CTNNA3: variants seen among roughly 807,000 people sequenced by gnomAD.
CTNNA3 encodes the protein catenin alpha-3.
CTNNA3 carries 76 observed loss-of-function variants against 95.7 expected under a neutral mutation model. The observed-to-expected ratio is 0.79, with a 90% CI of 0.66 to 0.96. CTNNA3 has a LOEUF of 0.96. Ranked by LOEUF, CTNNA3 falls within the 40% of genes least tolerant of loss-of-function variation. CTNNA3 has a pLI of 0.00. For synonymous variants in CTNNA3, 431 were observed against 374.4 expected (o/e 1.15, Z -1.74); for missense variants, 1,191 against 1,089.8 (o/e 1.09, Z -1.31).
In CTNNA3 at chr10:65,920,408, AG is replaced by A; in HGVS notation, c.2609del (p.Ala870ValfsTer17). The A allele has an allele frequency of 6.2e-7, 1 of 1,614,140 alleles. No homozygotes were observed. Among genetic ancestry groups the A allele is most frequent in the Non-Finnish European group, 8.5e-7 (1 of 1,180,008 alleles). ...TTTTCTTTGCTGAGCCTCGTCTGAC[AG>A]CTGCACACGTTTCCTCTGGCTTCTC... The part of the protein sequence containing the change: ...KREKPEETCA[A>X]VRRGSAKKKI... On this transcript the variant is annotated frameshift_variant, in exon 18 of 18. Transcript: ENST00000433211. LOFTEE classifies it high-confidence loss of function.
intron 13 of CTNNA3, among the ~76,000 whole-genome samples, chr10:66,240,497 C>T (rs1440421599): frequency 1.3e-5 from 2 of 152,066 alleles, no homozygotes; most frequent in Admixed American, 1.3e-4. Flanking sequence ...AAATAGCCTA[C>T]TGGGTTACCA....
At chr10:66,852,142 G>T (rs1843521221) in intron 7 of CTNNA3, among the ~76,000 whole-genome samples, 1 of 152,172 alleles carries the variant, frequency 6.6e-6, no homozygotes, top group South Asian at 2.1e-4. Flanking sequence ...TGATAAAAAA[G>T]CTCAATTCAA....
intron 12 of CTNNA3, among the ~76,000 whole-genome samples, chr10:66,311,677 C>T (rs926833164): frequency 6.6e-6 from 1 of 152,126 alleles, no homozygotes; most frequent in Admixed American, 6.5e-5. Flanking sequence ...CACAGTAATG[C>T]CAGAAGTTTT....
chr10:67,577,420 A>ATTT (rs1842200613), intron 3 of CTNNA3, among the ~76,000 whole-genome samples: 1 of 151,690 alleles, frequency 6.6e-6, no homozygotes. Context: ...TAGATTCTGG[A>ATTT]TATTAGCCTT....
At chr10:67,564,948 AC>A (rs1405170167) in intron 3 of CTNNA3, among the ~76,000 whole-genome samples, 1 of 111,968 alleles carries the variant, frequency 8.9e-6, no homozygotes, top group East Asian at 3.2e-4. Flanking sequence ...TATACGAGAA[AC>A]CTACAGTTAA....
chr10:67,222,275 C>T (rs563724973), intron 5 of CTNNA3, among the ~76,000 whole-genome samples: 1 of 152,268 alleles, frequency 6.6e-6, no homozygotes, highest in South Asian at 2.1e-4. Flanking sequence ...ACTAATCACC[C>T]AAGAAAAGAC....
chr10:67,073,817 CCTTT>C (rs1856591955), intron 7 of CTNNA3, among the ~76,000 whole-genome samples: 1 of 152,050 alleles, frequency 6.6e-6, no homozygotes, highest in African/African-American at 2.4e-5. Context: ...ACATTTTGAT[CCTTT>C]CTAAGTCTTT....
rs1417713676 is a variant in CTNNA3, at chr10:66,331,338, G to GCTTGTTTTTTTTTTTTTTTTTTTT, written c.1732+47813_1732+47814insAAAAAAAAAAAAAAAAAAAACAAG. Among the ~76,000 whole-genome samples, 5 of 39,114 alleles carry GCTTGTTTTTTTTTTTTTTTTTTTT rather than the reference G, an allele frequency of 1.3e-4. 2 individuals are homozygous for GCTTGTTTTTTTTTTTTTTTTTTTT. The highest frequency in any genetic ancestry group is 2.4e-4 in the Non-Finnish European group (4 of 16,822). 25.7% of individuals were successfully genotyped at this position (39,114 alleles called of 152,430 possible). On this transcript the variant is annotated intron_variant, in intron 12 of 17. Coordinates refer to ENST00000433211, the MANE Select transcript of CTNNA3 (RefSeq NM_013266.4). ...TTAAATATGGACTCCTTTCCCCATT[G>GCTTGTTTTTTTTTTTTTTTTTTTT]TTTGTTTTTTTTTTTTTTTTTTTTT...
intron 1 of CTNNA3, among the ~76,000 whole-genome samples, chr10:67,648,186 C>T (rs935689980): frequency 1.3e-5 from 2 of 152,120 alleles, no homozygotes; most frequent in Non-Finnish European, 2.9e-5. Context: ...AAGGCATTAA[C>T]GTTATCCTTA....
intron 7 of CTNNA3, among the ~76,000 whole-genome samples, chr10:66,902,857 AAG>A (rs1335229304): frequency 6.6e-6 from 1 of 152,140 alleles, no homozygotes; most frequent in Non-Finnish European, 1.5e-5. Context: ...ATAGACCAAT[AAG>A]AGGTTCTGAA....
intron 5 of CTNNA3, among the ~76,000 whole-genome samples, chr10:67,247,300 T>C (rs373199257): frequency 1.3e-5 from 2 of 152,316 alleles, no homozygotes; most frequent in East Asian, 3.9e-4. Flanking sequence ...TAAATAAGAT[T>C]GATACAGTTC....
chr10:66,869,990 AT>A (rs1196360544), intron 7 of CTNNA3, among the ~76,000 whole-genome samples: 1 of 152,186 alleles, frequency 6.6e-6, no homozygotes, highest in Non-Finnish European at 1.5e-5. Flanking sequence ...ACAACACTAT[AT>A]TCACTTCTAA....
At chr10:67,515,344 A>G (rs1465900106) in intron 5 of CTNNA3, among the ~76,000 whole-genome samples, 1 of 152,220 alleles carries the variant, frequency 6.6e-6, no homozygotes. Flanking sequence ...ATGACCTTGC[A>G]TGATGCATCC....
intron 13 of CTNNA3, among the ~76,000 whole-genome samples, chr10:66,106,098 T>G (rs932494603): frequency 6.6e-6 from 1 of 151,602 alleles, no homozygotes; most frequent in Non-Finnish European, 1.5e-5. Context: ...CCCCAGCTGC[T>G]CGGGAGGCTG....
intron 15 of CTNNA3, among the ~76,000 whole-genome samples, chr10:66,045,904 T>C (rs1262437810): frequency 6.6e-6 from 1 of 152,180 alleles, no homozygotes; most frequent in Admixed American, 6.5e-5. Context: ...TGATGTTTTA[T>C]CTTTTATTAA....
rs75987764 is a variant in CTNNA3 at position 66,279,515 on chromosome 10, T to C, written c.1884+955A>G. On this transcript the variant is annotated intron_variant, in intron 13 of 17. Coordinates refer to ENST00000433211, the MANE Select transcript of CTNNA3 (RefSeq NM_013266.4). ...AGGTGACACCTCTGAGGGTAGCTTT[T>C]CACCCAGGATGAATAGGTGGCTAAA... is the stretch of plus-strand genomic sequence containing the variant. Among the ~76,000 whole-genome samples the C allele has an allele frequency of 8.0e-3, 1,224 of 152,190 alleles. 12 individuals are homozygous for C. The highest frequency in any genetic ancestry group is 0.028 in the African/African-American group (1,165 of 41,546).
intron 13 of CTNNA3, among the ~76,000 whole-genome samples, chr10:66,170,275 G>T (rs2085351236): frequency 8.3e-6 from 1 of 120,644 alleles, no homozygotes. Flanking sequence ...TTAGATGGTA[G>T]AATAGCTCTG....
At chr10:67,620,921 G>GTATATATATATA (rs1272442858) in intron 2 of CTNNA3, among the ~76,000 whole-genome samples, 5 of 94,852 alleles carry the variant, frequency 5.3e-5, no homozygotes, top group Non-Finnish European at 8.0e-5. Context: ...GTGTGTGTGT[G>GTATATATATATA]TGTATATATA....
intron 17 of CTNNA3, among the ~76,000 whole-genome samples, chr10:65,937,528 T>A (rs1278708008): frequency 6.6e-6 from 1 of 152,134 alleles, no homozygotes; most frequent in Admixed American, 6.5e-5. Flanking sequence ...AGACTCAGCT[T>A]GATTATCTAA....
Sources: allele counts gnomAD v4.1 joint callset (sites outside exome capture counted in the v4.1 genomes callset), GRCh38; gene constraint gnomAD v4.1.1; transcripts MANE v1.5; gene names NCBI Gene and HGNC (gene_info 2026-07-23, HGNC 2026-07-21).